Variants in CCDC13 observed in about 807,000 individuals in gnomAD.
CCDC13 encodes the protein coiled-coil domain containing 13.
A neutral mutation model predicts 87.3 loss-of-function variants in CCDC13; 70 were observed. That is an observed-to-expected ratio of 0.80 (90% CI 0.66 to 0.98). The LOEUF is 0.98. CCDC13 is among the 50% of genes least tolerant of loss of function. The probability of loss-of-function intolerance (pLI) is 0.00; values close to 1 mark genes in which losing one functional copy is unlikely to be tolerated. For missense variants in CCDC13, 842 were observed against 892.0 expected, an observed-to-expected ratio of 0.94 and a Z score of 0.71; for synonymous variants, 317 against 360.3, an observed-to-expected ratio of 0.88 and a Z score of 1.36.
chr3:42,710,968 G>A (rs192565433), intron 14 of CCDC13, among the ~76,000 whole-genome samples: 10 of 152,166 alleles, frequency 6.6e-5, no homozygotes, highest in African/African-American at 1.9e-4. Flanking sequence ...AGCCTCAGCC[G>A]GGTGCGGTGG....
At chr3:42,733,087 C>T in intron 11 of CCDC13, 117 bp from the exon 12 acceptor site, 2 of 788,206 alleles carry the variant, frequency 2.5e-6, no homozygotes, top group East Asian at 2.7e-5. Context: ...ACCCTTGCAG[C>T]AGTCCTGTGG....
chr3:42,760,442 C>T (rs1030703929), intron 1 of CCDC13, among the ~76,000 whole-genome samples: 6 of 152,090 alleles, frequency 3.9e-5, no homozygotes, highest in Non-Finnish European at 8.8e-5. Context: ...AATGGAGAAA[C>T]CCCATCTCTA....
At chr3:42,763,094 C>T (rs1032998524) in intron 1 of CCDC13, among the ~76,000 whole-genome samples, 1 of 152,136 alleles carries the variant, frequency 6.6e-6, no homozygotes, top group Non-Finnish European at 1.5e-5. Context: ...GATTTATGAA[C>T]AGAAAAAGGA....
intron 5 of CCDC13, 134 bp downstream of exon 5, chr3:42,751,802 G>A (rs1399401301): frequency 2.9e-6 from 2 of 701,608 alleles, no homozygotes; most frequent in African/African-American, 1.8e-5. Flanking sequence ...GGTAGACAAT[G>A]GGCACCTGGC....
chr3:42,755,637 C>T (rs142816175), intron 3 of CCDC13, among the ~76,000 whole-genome samples: 3 of 152,278 alleles, frequency 2.0e-5, no homozygotes, highest in African/African-American at 7.2e-5. Context: ...CATAAATGGG[C>T]TTGTCAGATT....
At chr3:42,715,950 T>C (rs1330894277) in intron 13 of CCDC13, among the ~76,000 whole-genome samples, 5 of 152,222 alleles carry the variant, frequency 3.3e-5, no homozygotes, top group Admixed American at 2.6e-4. Flanking sequence ...ATTTCTTTTC[T>C]TTATAAATTA....
At chr3:42,734,810 A>C (rs1698952852) in intron 10 of CCDC13, among the ~76,000 whole-genome samples, 1 of 152,170 alleles carries the variant, frequency 6.6e-6, no homozygotes, top group Admixed American at 6.5e-5. Flanking sequence ...ACCCAGCCCC[A>C]CCACCACCCC....
intron 8 of CCDC13, 134 bp downstream of exon 8, chr3:42,742,761 AC>A: frequency 9.3e-7 from 1 of 1,072,004 alleles, no homozygotes; most frequent in Non-Finnish European, 1.4e-6. Context: ...TGCAGAGGTG[AC>A]CCAGGTCCCC....
intron 13 of CCDC13, among the ~76,000 whole-genome samples, chr3:42,718,530 T>C (rs1698484083): frequency 6.6e-6 from 1 of 152,176 alleles, no homozygotes; most frequent in African/African-American, 2.4e-5. Context: ...CCCTGAATTC[T>C]TTCTTGCATG....
chr3:42,737,117 A>G (rs1275823866), intron 9 of CCDC13, among the ~76,000 whole-genome samples: 2 of 151,924 alleles, frequency 1.3e-5, no homozygotes, highest in African/African-American at 4.8e-5. Context: ...CCTGTGTCCA[A>G]GTGATCTCAT....
intron 1 of CCDC13, among the ~76,000 whole-genome samples, chr3:42,772,832 C>T (rs1229141872): frequency 6.6e-6 from 1 of 152,212 alleles, no homozygotes; most frequent in Admixed American, 6.5e-5. Context: ...CGAGAGGGCC[C>T]AGTGGCAGAG....
chr3:42,724,191 C>T (rs1698632979), intron 13 of CCDC13, among the ~76,000 whole-genome samples: 1 of 152,136 alleles, frequency 6.6e-6, no homozygotes, highest in Non-Finnish European at 1.5e-5. Context: ...TTGTGAATTC[C>T]CACAAAATTT....
intron 13 of CCDC13, among the ~76,000 whole-genome samples, chr3:42,723,593 G>A (rs1698616846): frequency 6.6e-6 from 1 of 152,178 alleles, no homozygotes; most frequent in African/African-American, 2.4e-5. Flanking sequence ...CATTGTAAGA[G>A]AGTAACACAA....
At chr3:42,767,180 AG>A (rs1234247731) in intron 1 of CCDC13, among the ~76,000 whole-genome samples, 3 of 151,954 alleles carry the variant, frequency 2.0e-5, no homozygotes, top group African/African-American at 4.8e-5. Flanking sequence ...AAAAAAAAAA[AG>A]AACAAAAAAA....
In CCDC13 at chr3:42,720,026, G is replaced by C. The variant is rs1378647301; in HGVS notation, c.1719-6710C>G. 2.0e-5 allele frequency among the ~76,000 whole-genome samples: 3 copies of C among 152,238 alleles called. No homozygotes were observed. In the East Asian group the frequency reaches 5.8e-4, roughly 29 times the overall value. On this transcript the variant is annotated intron_variant, in intron 13 of 15. Coordinates refer to ENST00000310232, the MANE Select transcript of CCDC13 (RefSeq NM_144719.4). Reference sequence around the variant, plus strand: ...GTAAACATTTAGTCTAAATTATGCAGGTCAGATATTACATTTACTAAATTC... The same window carrying C: ...GTAAACATTTAGTCTAAATTATGCACGTCAGATATTACATTTACTAAATTC...
At chr3:42,728,111 T>C (rs1698733431) in intron 13 of CCDC13, among the ~76,000 whole-genome samples, 1 of 152,216 alleles carries the variant, frequency 6.6e-6, no homozygotes, top group African/African-American at 2.4e-5. Flanking sequence ...ATTGATAAAA[T>C]GTAAGAAAGA....
intron 1 of CCDC13, among the ~76,000 whole-genome samples, chr3:42,771,721 C>A (rs928077713): frequency 3.3e-5 from 5 of 152,164 alleles, no homozygotes; most frequent in African/African-American, 9.6e-5. Flanking sequence ...TGCCACCGCA[C>A]TCCAGCCTGG....
At position 42,769,544 on chromosome 3, in the gene CCDC13, C is replaced by T. The variant is rs929210215; in HGVS notation, c.-7+3632G>A. Reference sequence around the variant, plus strand: ...AAATGTTCATAGTGAGAGGTGACAGCATGCTGGCAGCCCTCGCAGCCCTCG... The same window carrying T: ...AAATGTTCATAGTGAGAGGTGACAGTATGCTGGCAGCCCTCGCAGCCCTCG... On this transcript the variant is annotated intron_variant, in intron 1 of 15. Coordinates refer to ENST00000310232, the MANE Select transcript of CCDC13 (RefSeq NM_144719.4). 2.3e-4 allele frequency among the ~76,000 whole-genome samples: 35 copies of T among 152,216 alleles called. No individual in the cohort carries two copies. In the Middle Eastern group the frequency reaches 0.01, roughly 44 times the overall value.
intron 2 of CCDC13, 57 bp downstream of exon 2, chr3:42,758,062 TACACAC>T (rs3076826): frequency 0.095 from 94,383 of 994,588 alleles, 2,203 homozygotes; most frequent in African/African-American, 0.25. Flanking sequence ...GCTCCGGTGG[TACACAC>T]ACACACACAC....
Sources: allele counts gnomAD v4.1 joint callset (sites outside exome capture counted in the v4.1 genomes callset), GRCh38; gene constraint gnomAD v4.1.1; transcripts MANE v1.5; gene names NCBI Gene and HGNC (gene_info 2026-07-23, HGNC 2026-07-21).